OR51B5: variants seen among roughly 807,000 people sequenced by gnomAD.
The protein encoded by OR51B5 is olfactory receptor 51B5.
For missense variants in OR51B5, 456 were observed against 374.6 expected (o/e 1.22, Z -1.79); for synonymous variants, 186 against 144.8 (o/e 1.28, Z -2.04).
chr11:5,359,301 G>T, intron 1 of OR51B5, among the ~76,000 whole-genome samples: 1 of 148,672 alleles, frequency 6.7e-6, no homozygotes, highest in African/African-American at 2.5e-5. Flanking sequence ...AAAGTCTCAG[G>T]ATACAAAATC....
chr11:5,441,851 G>C (rs1174265365), intron 1 of OR51B5, among the ~76,000 whole-genome samples: 1 of 152,186 alleles, frequency 6.6e-6, no homozygotes, highest in Non-Finnish European at 1.5e-5. Context: ...GCTTTGGAAA[G>C]TCTTTGGTAG....
intron 1 of OR51B5, among the ~76,000 whole-genome samples, chr11:5,477,698 G>A (rs1216514987): frequency 6.6e-6 from 1 of 152,158 alleles, no homozygotes; most frequent in East Asian, 1.9e-4. Flanking sequence ...TGCCTCACTT[G>A]GGAAGCACAA....
chr11:5,379,263 A>G (rs753567029), intron 1 of OR51B5, among the ~76,000 whole-genome samples: 2 of 152,064 alleles, frequency 1.3e-5, no homozygotes, highest in Non-Finnish European at 2.9e-5. Flanking sequence ...CTGAACAATG[A>G]GAACACATGG....
At chr11:5,441,307 G>C (rs760061696) in intron 1 of OR51B5, 2 of 1,613,956 alleles carry the variant, frequency 1.2e-6, no homozygotes, top group Non-Finnish European at 1.7e-6. Flanking sequence ...AGATCATTGA[G>C]AGCGAGCATA....
chr11:5,503,768 G>A (rs1026404279), intron 1 of OR51B5, among the ~76,000 whole-genome samples: 7 of 148,580 alleles, frequency 4.7e-5, no homozygotes, highest in Admixed American at 1.3e-4. Flanking sequence ...GTAGATACTC[G>A]CAGGACTCGG....
chr11:5,465,953 G>C (rs4598699), intron 1 of OR51B5, among the ~76,000 whole-genome samples: 97,790 of 148,394 alleles, frequency 0.66, 32,575 homozygotes, highest in Admixed American at 0.67. Context: ...ACAAAATTGA[G>C]AAATGGGATC....
At chr11:5,363,716 G>T (rs1849322478) in intron 1 of OR51B5, among the ~76,000 whole-genome samples, 1 of 152,130 alleles carries the variant, frequency 6.6e-6, no homozygotes. Flanking sequence ...ACTTGTGAAG[G>T]TCTTTCCATC....
chr11:5,468,946 G>C, intron 1 of OR51B5: 1 of 353,568 alleles, frequency 2.8e-6, no homozygotes, highest in South Asian at 2.1e-5. Flanking sequence ...AGGGAAGTGG[G>C]AATACCATGC....
At position 5,410,649 on chromosome 11, in the gene OR51B5, C is replaced by A. The variant is rs556732756; in HGVS notation, n.85-63739G>T. Among the ~76,000 whole-genome samples, 7 of 152,092 alleles carry A rather than the reference C, an allele frequency of 4.6e-5. No homozygotes were observed. In the South Asian group the frequency reaches 1.5e-3, roughly 32 times the overall value. Reference sequence around the variant, plus strand: ...AACTGTAAAAAAGACTCAGGTAGGTCCTTCAGGAGGTATTCAAGAATAAGG... The same window carrying A: ...AACTGTAAAAAAGACTCAGGTAGGTACTTCAGGAGGTATTCAAGAATAAGG... On this transcript the variant is annotated intron_variant and non_coding_transcript_variant, in intron 1 of 4. Coordinates refer to the OR51B5 transcript ENST00000415970.
intron 1 of OR51B5, among the ~76,000 whole-genome samples, chr11:5,394,836 T>C (rs1178246773): frequency 1.3e-5 from 2 of 152,204 alleles, no homozygotes; most frequent in African/African-American, 2.4e-5. Context: ...GTTTGTGTCT[T>C]ATTAATGCTT....
intron 1 of OR51B5, among the ~76,000 whole-genome samples, chr11:5,446,129 A>G (rs776168474): frequency 5.3e-5 from 8 of 152,168 alleles, no homozygotes; most frequent in Non-Finnish European, 1.0e-4. Context: ...GTGGAGGGAT[A>G]GCATTAGGAG....
At chr11:5,488,851 A>G (rs750478672) in intron 1 of OR51B5, 3 of 1,613,990 alleles carry the variant, frequency 1.9e-6, no homozygotes, top group Non-Finnish European at 2.5e-6. Context: ...TGCTGCCCTC[A>G]TCCTGGTCAT....
At chr11:5,412,894 C>T (rs1427901310) in intron 1 of OR51B5, among the ~76,000 whole-genome samples, 1 of 152,110 alleles carries the variant, frequency 6.6e-6, no homozygotes, top group East Asian at 1.9e-4. Context: ...CAGCAGTAAC[C>T]TCTGCAGACT....
At chr11:5,440,628 A>G in intron 1 of OR51B5, 1 of 1,613,842 alleles carries the variant, frequency 6.2e-7, no homozygotes, top group Non-Finnish European at 8.5e-7. Context: ...CTTGGTTTTC[A>G]CACTGTAGAT....
exon 1 of OR51B5, chr11:5,343,263 T>C (rs57900141): frequency 0.059 from 95,597 of 1,610,558 alleles, 5,596 homozygotes; most frequent in African/African-American, 0.3. Flanking sequence ...CCAATCTCCC[T>C]GTGATCCAGC....
intron 1 of OR51B5, among the ~76,000 whole-genome samples, chr11:5,480,831 A>T (rs1360482359): frequency 2.4e-5 from 3 of 123,356 alleles, no homozygotes; most frequent in Non-Finnish European, 5.2e-5. Flanking sequence ...CTCTGAATAG[A>T]CCAATAACAG....
chr11:5,389,856 T>TATTC, intron 1 of OR51B5: 1 of 1,613,802 alleles, frequency 6.2e-7, no homozygotes, highest in Non-Finnish European at 8.5e-7. Context: ...GGCCAGCAAG[T>TATTC]GGTCAGAGCA....
chr11:5,483,939 A>T (rs1048662175), intron 1 of OR51B5, among the ~76,000 whole-genome samples: 1 of 152,020 alleles, frequency 6.6e-6, no homozygotes, highest in African/African-American at 2.4e-5. Flanking sequence ...CTCATACCAT[A>T]CTCCCTTGAA....
At chr11:5,369,203 G>A (rs528321322) in intron 1 of OR51B5, among the ~76,000 whole-genome samples, 70 of 142,590 alleles carry the variant, frequency 4.9e-4, no homozygotes, top group South Asian at 1.8e-3. Flanking sequence ...CATATAACCT[G>A]AGTCCCTACT....
Sources: gnomAD v4.1 joint callset for allele counts (sites outside exome capture counted in the v4.1 genomes callset) on GRCh38, gnomAD v4.1.1 for gene constraint, MANE v1.5 for transcripts, NCBI Gene and HGNC (gene_info 2026-07-23, HGNC 2026-07-21) for gene names.